Variants in MS4A5 observed in about 807,000 individuals in gnomAD.
MS4A5 encodes membrane-spanning 4-domains subfamily A member 5.
Under a neutral mutation model 18.2 loss-of-function variants are expected in MS4A5, and 15 were observed. That is an observed-to-expected ratio of 0.83 (90% CI 0.55 to 1.27). MS4A5 has a LOEUF of 1.27. MS4A5 is among the 50% of genes most tolerant of loss of function. The probability of loss-of-function intolerance (pLI) is 0.00; values close to 1 mark genes in which losing one functional copy is unlikely to be tolerated. For missense variants in MS4A5, 232 were observed against 225.7 expected (o/e 1.03, Z -0.18); for synonymous variants, 89 against 78.7 (o/e 1.13, Z -0.69).
chr11:60,441,375 A>C (rs1262068555), intron 4 of MS4A5, among the ~76,000 whole-genome samples: 1 of 123,174 alleles, frequency 8.1e-6, no homozygotes, highest in Non-Finnish European at 1.7e-5. Context: ...ACATGTATAC[A>C]TATGTAACTA....
chr11:60,442,793 A>T (rs2086120756), intron 4 of MS4A5, among the ~76,000 whole-genome samples: 1 of 152,228 alleles, frequency 6.6e-6, no homozygotes, highest in Non-Finnish European at 1.5e-5. Flanking sequence ...AAAGTGCTCA[A>T]ACAAAATAAT....
chr11:60,445,013 C>A (rs2086131809), intron 4 of MS4A5, among the ~76,000 whole-genome samples: 1 of 151,808 alleles, frequency 6.6e-6, no homozygotes, highest in South Asian at 2.1e-4. Context: ...TAGAATACTT[C>A]TCAGCAATAT....
At position 60,432,391 on chromosome 11, in the gene MS4A5, A is replaced by G. The variant is rs780658252; in HGVS notation, c.283-20A>G. The G allele has an allele frequency of 2.6e-6, 4 of 1,517,190 alleles. No homozygotes were observed. Among genetic ancestry groups the G allele is most frequent in the East Asian group, 4.5e-5 (2 of 44,102 alleles). 94.0% of individuals were successfully genotyped at this position (1,517,190 alleles called of 1,614,324 possible). A position where few individuals can be genotyped will look rare whatever the true frequency, so the allele number is the denominator to read the frequency against. ...TCAGCTAAACATGGTCATCATTAACATATTTATTCCTCTTAACAGTTCATT... is the reference window on the plus strand; with the variant it reads ...TCAGCTAAACATGGTCATCATTAACGTATTTATTCCTCTTAACAGTTCATT... On this transcript the variant is annotated intron_variant, in intron 2 of 4. Coordinates refer to ENST00000300190, the MANE Select transcript of MS4A5 (RefSeq NM_023945.3).
At chr11:60,440,000 G>A (rs1428259135) in intron 4 of MS4A5, among the ~76,000 whole-genome samples, 1 of 146,894 alleles carries the variant, frequency 6.8e-6, no homozygotes, top group Non-Finnish European at 1.5e-5. Context: ...AAAACTGGAG[G>A]CATCACACTA....
intron 4 of MS4A5, among the ~76,000 whole-genome samples, chr11:60,447,444 C>T (rs1029269566): frequency 6.6e-5 from 10 of 152,012 alleles, no homozygotes; most frequent in African/African-American, 2.2e-4. Flanking sequence ...GCTATGCTAT[C>T]CTATTCTATG....
intron 4 of MS4A5, among the ~76,000 whole-genome samples, chr11:60,446,527 T>C (rs1011335054): frequency 2.0e-5 from 3 of 152,018 alleles, no homozygotes; most frequent in African/African-American, 4.8e-5. Context: ...TCACCTGAAG[T>C]CAGGAGTTCA....
At chr11:60,437,805 C>A (rs1242984326) in intron 4 of MS4A5, among the ~76,000 whole-genome samples, 1 of 150,878 alleles carries the variant, frequency 6.6e-6, no homozygotes, top group African/African-American at 2.4e-5. Flanking sequence ...GAGACTTAGA[C>A]TCCCACACAT....
chr11:60,436,286 A>G (rs1444377718), intron 4 of MS4A5, among the ~76,000 whole-genome samples: 3 of 147,066 alleles, frequency 2.0e-5, no homozygotes, highest in Non-Finnish European at 4.6e-5. Flanking sequence ...CATCACCATC[A>G]TCAAAGACCA....
chr11:60,429,965 C>A, intron 1 of MS4A5, 138 bp downstream of exon 1: 2 of 821,980 alleles, frequency 2.4e-6, no homozygotes, highest in Non-Finnish European at 3.7e-6. Flanking sequence ...TGTTGGTGGG[C>A]CATTTGAGAG....
At chr11:60,433,588 G>T (rs944269087) in intron 3 of MS4A5, among the ~76,000 whole-genome samples, 177 bp from the exon 4 acceptor site, 11 of 152,230 alleles carry the variant, frequency 7.2e-5, no homozygotes, top group Non-Finnish European at 1.5e-4. Flanking sequence ...TCCCCTTATT[G>T]TGTAGATGAA....
At chr11:60,445,384 C>T (rs958327541) in intron 4 of MS4A5, among the ~76,000 whole-genome samples, 5 of 151,902 alleles carry the variant, frequency 3.3e-5, no homozygotes, top group Admixed American at 6.6e-5. Context: ...CTCAGCCTCC[C>T]GAGTAGCTGA....
rs2086044428 is a variant in MS4A5 at position 60,430,788 on chromosome 11, A to G, written c.154-8A>G. ...TTTCCTCACCATGACTTTTTCCTCT[A>G]TTTGCAGACTATCCAGATCCTGTTT... On this transcript the variant is annotated splice_polypyrimidine_tract_variant and splice_region_variant and intron_variant, in intron 1 of 4. Transcript: ENST00000300190. 2 of 1,610,234 alleles carry G rather than the reference A, an allele frequency of 1.2e-6. No homozygotes were observed. Among genetic ancestry groups the G allele is most frequent in the African/African-American group, 1.3e-5 (1 of 74,582 alleles).
intron 4 of MS4A5, 97 bp downstream of exon 4, chr11:60,434,014 A>G (rs1296230460): frequency 1.9e-6 from 2 of 1,071,986 alleles, no homozygotes; most frequent in Non-Finnish European, 2.7e-6. Flanking sequence ...TTGTGGACAC[A>G]TGTATTTTCT....
At chr11:60,434,064 G>A in intron 4 of MS4A5, 147 bp downstream of exon 4, 1 of 734,260 alleles carries the variant, frequency 1.4e-6, no homozygotes, top group Admixed American at 2.7e-5. Context: ...ATATTTGATA[G>A]ACATTACACC....
At position 60,433,924 on chromosome 11, in the gene MS4A5, A is replaced by G; in HGVS notation, c.492+7A>G. On this transcript the variant is annotated splice_region_variant and intron_variant, in intron 4 of 4. Coordinates refer to ENST00000300190, the MANE Select transcript of MS4A5 (RefSeq NM_023945.3). ...TGTTACTGTCCTGTTCTTGGTAAGT[A>G]TGTTGCATTTATAGAGTGATGAGTA... 6.2e-7 allele frequency: 1 copy of G among 1,613,344 alleles called. No homozygotes were observed. The highest frequency in any genetic ancestry group is 8.5e-7 in the Non-Finnish European group (1 of 1,179,402).
At chr11:60,441,463 A>AG (rs1248674356) in intron 4 of MS4A5, among the ~76,000 whole-genome samples, 1 of 132,832 alleles carries the variant, frequency 7.5e-6, no homozygotes, top group Non-Finnish European at 1.7e-5. Context: ...CATTAAAAAA[A>AG]AAAAGAAAAA....
Position 60,429,788 on chromosome 11 carries a change from CT to C in MS4A5, c.116del (p.Leu39CysfsTer9), listed in dbSNP as rs1462685529. ...CCACGACCTTTTCAACTCAAAGCCCCTTGCAAAAATTATTTGCTAGAAAAAT... is the reference window on the plus strand; with the variant it reads ...CCACGACCTTTTCAACTCAAAGCCCCTGCAAAAATTATTTGCTAGAAAAAT... ...SATTFSTQSP[L>X]QKLFARKMKI... is the part of the protein sequence containing the mutation. On this transcript the variant is annotated frameshift_variant, in exon 1 of 5. Coordinates refer to ENST00000300190, the MANE Select transcript of MS4A5 (RefSeq NM_023945.3). LOFTEE classifies it high-confidence loss of function. The C allele has an allele frequency of 6.2e-7, 1 of 1,613,840 alleles. No homozygotes were observed.
chr11:60,434,100 C>T (rs965932869), intron 4 of MS4A5, among the ~76,000 whole-genome samples, 183 bp downstream of exon 4: 2 of 151,892 alleles, frequency 1.3e-5, no homozygotes, highest in East Asian at 1.9e-4. Context: ...GAAAAATAAA[C>T]ACATTATAAC....
At chr11:60,436,048 G>A (rs1360048977) in intron 4 of MS4A5, among the ~76,000 whole-genome samples, 2 of 152,172 alleles carry the variant, frequency 1.3e-5, no homozygotes, top group Admixed American at 1.3e-4. Context: ...CAGCTTTGAA[G>A]AGAGCAGTGG....
Sources: allele counts gnomAD v4.1 joint callset (sites outside exome capture counted in the v4.1 genomes callset), GRCh38; gene constraint gnomAD v4.1.1; transcripts MANE v1.5; gene names NCBI Gene and HGNC (gene_info 2026-07-23, HGNC 2026-07-21).